LDHC: variants seen among roughly 807,000 people sequenced by gnomAD.
LDHC encodes the protein L-lactate dehydrogenase C chain.
In LDHC, 20 loss-of-function variants were observed where a neutral mutation model predicts 30.2. The ratio of observed to expected loss-of-function variants is 0.66; its 90% confidence interval spans 0.47 to 0.96. LDHC has a LOEUF of 0.96. Among genes scored for constraint, LDHC ranks in the 40% least tolerant of loss-of-function variants. The probability of loss-of-function intolerance (pLI) is 0.00; values close to 1 mark genes in which losing one functional copy is unlikely to be tolerated. For missense variants in LDHC, 362 were observed against 394.9 expected, an observed-to-expected ratio of 0.92 and a Z score of 0.71; for synonymous variants, 139 against 132.7, an observed-to-expected ratio of 1.05 and a Z score of -0.32.
intron 7 of LDHC, 173 bp from the exon 8 acceptor site, chr11:18,450,790 A>G (rs1030884008): frequency 2.7e-5 from 13 of 490,312 alleles, no homozygotes; most frequent in South Asian, 1.4e-4. Flanking sequence ...TAAGTTCCAC[A>G]TGGTTATAGG....
intron 5 of LDHC, among the ~76,000 whole-genome samples, chr11:18,436,226 T>G (rs897261693): frequency 1.3e-5 from 2 of 152,158 alleles, no homozygotes; most frequent in Non-Finnish European, 2.9e-5. Flanking sequence ...TTTCTCACAT[T>G]TAATATTCTA....
chr11:18,444,604 G>GTATATATATATATA (rs60764598), intron 6 of LDHC, among the ~76,000 whole-genome samples: 62 of 89,336 alleles, frequency 6.9e-4, no homozygotes, highest in Non-Finnish European at 1.2e-3. Flanking sequence ...TGTTCAGGTG[G>GTATATATATATATA]TATATATATA....
At position 18,412,712 on chromosome 11, in the gene LDHC, C is replaced by G. The variant is rs1441962842; in HGVS notation, c.-6C>G. ...GAAATTGCATTATCCCTATCAGGTT[C>G]TCCAAATGTCAACTGTCAAGGAGCA... On this transcript the variant is annotated 5_prime_UTR_variant, in exon 2 of 8. Transcript: ENST00000541669. The G allele has an allele frequency of 6.2e-7, 1 of 1,613,038 alleles. No individual in the cohort carries two copies. Among genetic ancestry groups the G allele is most frequent in the South Asian group, 1.1e-5 (1 of 90,944 alleles).
chr11:18,442,592 A>G (rs1157359064), intron 6 of LDHC, among the ~76,000 whole-genome samples: 2 of 150,778 alleles, frequency 1.3e-5, no homozygotes, highest in Non-Finnish European at 2.9e-5. Context: ...ATCATTTACT[A>G]TCACTTGCGT....
chr11:18,445,064 T>C (rs534667993), intron 6 of LDHC, among the ~76,000 whole-genome samples: 97 of 152,330 alleles, frequency 6.4e-4, no homozygotes, highest in African/African-American at 2.3e-3. Flanking sequence ...TATTGTGCTA[T>C]TTTCCTTTGA....
Position 18,429,744 on chromosome 11 carries a change from T to A in LDHC, c.252T>A (p.Ser84Arg). 6.3e-7 allele frequency: 1 copy of A among 1,597,682 alleles called. No individual in the cohort carries two copies. The highest frequency in any genetic ancestry group is 8.6e-7 in the Non-Finnish European group (1 of 1,167,800). ...ATTTTGTTTCCTTTTTAGATTACAG[T>A]GTATCTGCAAACTCCAGAATAGTTA... ...TSKITSGKDY[S>R]VSANSRIVIV... Residue 84 changes from serine to arginine, a missense_variant, in exon 4 of 8, where the codon AGT becomes AGA. Ser to Arg is a moderately radical substitution (Grantham distance 110, BLOSUM62 -1). Transcript: ENST00000541669.
At chr11:18,434,994 A>G in intron 5 of LDHC, 81 bp downstream of exon 5, 6 of 920,056 alleles carry the variant, frequency 6.5e-6, no homozygotes, top group East Asian at 2.5e-5. Context: ...TTTTTCCCTG[A>G]TATTAATATA....
chr11:18,429,768 T>A lies in LDHC; in HGVS notation c.276T>A (p.Val92=), dbSNP rs1388331137. ...DYSVSANSRI[V]IVTAGARQQE... ...GTGTATCTGCAAACTCCAGAATAGT[T>A]ATTGTCACAGCAGGTGCAAGGCAGC... Residue 92 remains valine, a synonymous_variant, in exon 4 of 8, where the codon GTT becomes GTA. Coordinates refer to ENST00000541669, the MANE Select transcript of LDHC (RefSeq NM_017448.5). 6.2e-7 allele frequency: 1 copy of A among 1,611,302 alleles called. No individual in the cohort carries two copies. The highest frequency in any genetic ancestry group is 8.5e-7 in the Non-Finnish European group (1 of 1,178,150).
At chr11:18,420,207 A>G (rs1235450303) in intron 3 of LDHC, among the ~76,000 whole-genome samples, 1 of 152,224 alleles carries the variant, frequency 6.6e-6, no homozygotes. Context: ...AGTAGAAAAT[A>G]TAACAGGTTA....
At chr11:18,426,944 A>T (rs1411809536) in intron 3 of LDHC, among the ~76,000 whole-genome samples, 1 of 152,226 alleles carries the variant, frequency 6.6e-6, no homozygotes, top group Non-Finnish European at 1.5e-5. Flanking sequence ...TCGAAGAAGT[A>T]CTTGACTAAT....
Position 18,429,737 on chromosome 11 carries a change from A to C in LDHC, c.245A>C (p.Asp82Ala). 2 of 1,587,446 alleles carry C rather than the reference A, an allele frequency of 1.3e-6. No individual in the cohort carries two copies. Among genetic ancestry groups the C allele is most frequent in the Non-Finnish European group, 1.7e-6 (2 of 1,160,018 alleles). Residue 82 changes from aspartate to alanine, a missense_variant and splice_region_variant, in exon 4 of 8, where the codon GAT (aspartate) becomes GCT (alanine). By Grantham distance (126) the Asp-to-Ala change is moderately radical. Coordinates refer to ENST00000541669, the MANE Select transcript of LDHC (RefSeq NM_017448.5). ...ATATAGTATTTTGTTTCCTTTTTAG[A>C]TTACAGTGTATCTGCAAACTCCAGA... ...FSTSKITSGKDYSVSANSRIV... is the reference protein window; with the variant it reads ...FSTSKITSGKAYSVSANSRIV...
chr11:18,419,751 G>C (rs73436650), intron 3 of LDHC, among the ~76,000 whole-genome samples: 1 of 151,910 alleles, frequency 6.6e-6, no homozygotes, highest in Non-Finnish European at 1.5e-5. Context: ...GAGACAGGAG[G>C]CTATAAAAAC....
chr11:18,424,087 T>C (rs1380835792), intron 3 of LDHC, among the ~76,000 whole-genome samples: 1 of 151,490 alleles, frequency 6.6e-6, no homozygotes, highest in Non-Finnish European at 1.5e-5. Flanking sequence ...GTAAAACCAG[T>C]TAAAAAAACA....
chr11:18,431,837 A>G (rs1333514960), intron 4 of LDHC, among the ~76,000 whole-genome samples: 1 of 152,206 alleles, frequency 6.6e-6, no homozygotes, highest in Non-Finnish European at 1.5e-5. Context: ...GGTGTGAGCC[A>G]CTGCACCCGG....
At chr11:18,422,791 TGGGAAACACG>T (rs1406006814) in intron 3 of LDHC, among the ~76,000 whole-genome samples, 2 of 151,720 alleles carry the variant, frequency 1.3e-5, no homozygotes, top group Admixed American at 6.6e-5. Context: ...AAGACCAGCC[TGGGAAACACG>T]GTGAAACCAT....
At chr11:18,413,506 A>G (rs1343191688) in intron 2 of LDHC, among the ~76,000 whole-genome samples, 2 of 125,426 alleles carry the variant, frequency 1.6e-5, no homozygotes, top group Non-Finnish European at 3.1e-5. Flanking sequence ...CTCTGTTGCC[A>G]GGCTGGAGTG....
In LDHC at chr11:18,450,997, G is replaced by T. The variant is rs745415561; in HGVS notation, c.869G>T (p.Ser290Ile). ...LYGIKEELFLSIPCVLGRNGV... is the reference protein window; with the variant it reads ...LYGIKEELFLIIPCVLGRNGV... ...GGAATAAAAGAAGAACTCTTTCTCA[G>T]TATCCCTTGTGTCTTGGGGCGGAAT... is the stretch of plus-strand genomic sequence containing the variant. The change falls in exon 8 of 8, where the codon AGT (serine) becomes ATT (isoleucine). Residue 290 changes from serine (S) to isoleucine (I), a missense_variant. Physicochemically the swap from Ser to Ile is moderately radical, Grantham distance 142 (BLOSUM62 -2). Transcript: ENST00000541669. 3 of 1,594,204 alleles carry T rather than the reference G, an allele frequency of 1.9e-6. No individual in the cohort carries two copies. The African/African-American group carries it at 4.1e-5, about 22-fold the overall frequency.
Position 18,418,267 on chromosome 11 carries a change from TA to T in LDHC, c.244+2968del, listed in dbSNP as rs1867058396. Among the ~76,000 whole-genome samples, 4 of 148,614 alleles carry T rather than the reference TA, an allele frequency of 2.7e-5. No homozygotes were observed. In the South Asian group the frequency reaches 8.8e-4, roughly 33 times the overall value. On this transcript the variant is annotated intron_variant, in intron 3 of 7. Transcript: ENST00000541669. The stretch of plus-strand genomic sequence containing the variant: ...AATTATATTTGGGTACAAATATGAC[TA>T]ATTCTTGATATGTAGCAACTAATGA...
At chr11:18,418,191 G>A (rs4757662) in intron 3 of LDHC, among the ~76,000 whole-genome samples, 15,679 of 149,798 alleles carry the variant, frequency 0.1, 872 homozygotes, top group Admixed American at 0.15. Flanking sequence ...TTTCACACTG[G>A]TATTTAGTGA....
Sources: allele counts gnomAD v4.1 joint callset (sites outside exome capture counted in the v4.1 genomes callset), GRCh38; gene constraint gnomAD v4.1.1; transcripts MANE v1.5; gene names NCBI Gene and HGNC (gene_info 2026-07-23, HGNC 2026-07-21).